The following LOC400499 variants were observed in gnomAD, a reference collection of about 807,000 sequenced individuals.
At chr16:11,501,401 AG>A in the LOC400499 span, among the ~76,000 whole-genome samples, 12 of 152,296 alleles carry the variant, frequency 7.9e-5, no homozygotes, top group Admixed American at 3.3e-4. Flanking sequence ...TCTGTCACCC[AG>A]GCTGCAGTGC....
the LOC400499 span, among the ~76,000 whole-genome samples, chr16:11,452,770 T>C: frequency 6.6e-6 from 1 of 152,266 alleles, no homozygotes; most frequent in Non-Finnish European, 1.5e-5. Context: ...GGGACATTCC[T>C]GCCAGTTCTT....
the LOC400499 span, among the ~76,000 whole-genome samples, chr16:11,463,035 C>A: frequency 6.6e-6 from 1 of 152,204 alleles, no homozygotes; most frequent in Non-Finnish European, 1.5e-5. Flanking sequence ...GCACACTAGC[C>A]TTTCTTACAG....
the LOC400499 span, among the ~76,000 whole-genome samples, chr16:11,430,398 C>T: frequency 7.2e-5 from 11 of 152,080 alleles, no homozygotes; most frequent in South Asian, 1.9e-3. Context: ...GCTGAGGCAG[C>T]AGAATTGCTT....
At chr16:11,385,035 C>G in the LOC400499 span, 1 of 1,232,196 alleles carries the variant, frequency 8.1e-7, no homozygotes, top group Non-Finnish European at 1.0e-6. Flanking sequence ...CAACTGTCCC[C>G]CGGCAGGGAG....
chr16:11,480,061 C>G, the LOC400499 span, among the ~76,000 whole-genome samples: 1 of 152,258 alleles, frequency 6.6e-6, no homozygotes, highest in South Asian at 2.1e-4. Context: ...AACAAGGAAC[C>G]AGAGCTGAGC....
At chr16:11,520,127 T>C in the LOC400499 span, among the ~76,000 whole-genome samples, 5 of 152,178 alleles carry the variant, frequency 3.3e-5, no homozygotes, top group African/African-American at 1.2e-4. Context: ...GCACAGAGCT[T>C]CTGTTTAGGA....
chr16:11,524,107 C>G, the LOC400499 span, among the ~76,000 whole-genome samples: 5 of 53,738 alleles, frequency 9.3e-5, no homozygotes, highest in Non-Finnish European at 7.4e-5. Flanking sequence ...CATCCATCCA[C>G]GCATCACTTC....
At chr16:11,504,518 C>A in the LOC400499 span, among the ~76,000 whole-genome samples, 12 of 152,024 alleles carry the variant, frequency 7.9e-5, no homozygotes, top group African/African-American at 2.7e-4. Flanking sequence ...TACGCCACTG[C>A]ACTTTCCAGC....
At chr16:11,490,886 G>A in the LOC400499 span, among the ~76,000 whole-genome samples, 1 of 152,264 alleles carries the variant, frequency 6.6e-6, no homozygotes, top group African/African-American at 2.4e-5. Context: ...GGAAGAGGAA[G>A]GAAGACTAAT....
chr16:11,398,309 C>A, the LOC400499 span: 2 of 1,231,698 alleles, frequency 1.6e-6, no homozygotes, highest in South Asian at 4.1e-5. Flanking sequence ...CCATGGGTCC[C>A]TGGTCCTCCA....
the LOC400499 span, among the ~76,000 whole-genome samples, chr16:11,421,674 G>T: frequency 1.3e-5 from 2 of 152,314 alleles, no homozygotes; most frequent in Middle Eastern, 3.4e-3. Context: ...AAAGTATTGG[G>T]ATATACGACA....
At chr16:11,421,896 G>A in the LOC400499 span, among the ~76,000 whole-genome samples, 2 of 152,138 alleles carry the variant, frequency 1.3e-5, no homozygotes, top group African/African-American at 4.8e-5. Context: ...TAGCATCCCC[G>A]AGTTGTATAC....
chr16:11,382,577 T>TTGA, the LOC400499 span, among the ~76,000 whole-genome samples: 1 of 151,710 alleles, frequency 6.6e-6, no homozygotes, highest in Non-Finnish European at 1.5e-5. Context: ...ATCTGCTGTG[T>TTGA]TGATGATTAT....
At chr16:11,478,576 T>G in the LOC400499 span, 1 of 398,990 alleles carries the variant, frequency 2.5e-6, no homozygotes, top group Non-Finnish European at 4.4e-6. Context: ...GGGCCAGTGG[T>G]TCACGTGACT....
chr16:11,448,169 G>T, the LOC400499 span: 4 of 1,392,734 alleles, frequency 2.9e-6, no homozygotes, highest in Non-Finnish European at 3.8e-6. Flanking sequence ...CCCACAACCT[G>T]CCCATCACCC....
chr16:11,438,349 C>T, the LOC400499 span, among the ~76,000 whole-genome samples: 15 of 152,188 alleles, frequency 9.9e-5, no homozygotes, highest in Non-Finnish European at 1.8e-4. Flanking sequence ...AGACTGACTT[C>T]AGGGACATCA....
At chr16:11,500,836 G>A in the LOC400499 span, 2 of 399,174 alleles carry the variant, frequency 5.0e-6, no homozygotes, top group East Asian at 3.6e-5. Context: ...TCTGTGGGCT[G>A]TGGGAGGAAG....
At chr16:11,423,093 CG>C in the LOC400499 span, 18 of 398,896 alleles carry the variant, frequency 4.5e-5, no homozygotes, top group Non-Finnish European at 7.5e-5. Context: ...ACACCTCAGA[CG>C]GCCCCTGTGA....
At chr16:11,520,188 G>T in the LOC400499 span, among the ~76,000 whole-genome samples, 2 of 152,292 alleles carry the variant, frequency 1.3e-5, no homozygotes, top group Non-Finnish European at 2.9e-5. Flanking sequence ...ACAACGATGT[G>T]AAAGTACTTA....
Sources: gnomAD v4.1 joint callset for allele counts (sites outside exome capture counted in the v4.1 genomes callset) on GRCh38, gnomAD v4.1.1 for gene constraint, MANE v1.5 for transcripts.